Variants in HHATL observed in about 807,000 individuals in gnomAD.
The protein encoded by HHATL is hedgehog acyltransferase like.
A neutral mutation model predicts 59.7 loss-of-function variants in HHATL; 49 were observed. That is an observed-to-expected ratio of 0.82 (90% CI 0.65 to 1.04). HHATL has a LOEUF of 1.04. Ranked by LOEUF, HHATL falls within the 50% of genes least tolerant of loss-of-function variation. HHATL has a pLI of 0.00. For missense variants in HHATL, 605 were observed against 650.8 expected, an observed-to-expected ratio of 0.93 and a Z score of 0.77; for synonymous variants, 238 against 257.3, an observed-to-expected ratio of 0.93 and a Z score of 0.72.
rs769680660 is a variant in HHATL at position 42,699,096 on chromosome 3, A to T, written c.224T>A (p.Val75Asp). The T allele has an allele frequency of 1.9e-5, 31 of 1,613,956 alleles. No individual in the cohort carries two copies. The highest frequency in any genetic ancestry group is 2.5e-5 in the Non-Finnish European group (30 of 1,180,028). ...WVMWFTSFRNVIIFALSGHVL... is the reference protein window; with the variant it reads ...WVMWFTSFRNDIIFALSGHVL... ...ATGTCCGGAGAGGGCAAAGATGATG[A>T]CGTTGCGAAAGGAGGTGAACCACAT... The change falls in exon 4 of 12, where the codon GTC (valine) becomes GAC (aspartate). Residue 75 changes from valine to aspartate, a missense_variant. By Grantham distance (152) the Val-to-Asp change is radical. Coordinates refer to ENST00000441594, the MANE Select transcript of HHATL (RefSeq NM_020707.4).
At chr3:42,698,512 C>T (rs150692809) in intron 5 of HHATL, among the ~76,000 whole-genome samples, 161 bp from the exon 6 acceptor site, 57 of 145,758 alleles carry the variant, frequency 3.9e-4, no homozygotes, top group Non-Finnish European at 6.8e-4. Context: ...CCCAGCAATG[C>T]GAGGAGCAGG....
intron 6 of HHATL, 74 bp from the exon 7 acceptor site, chr3:42,697,753 A>C: frequency 6.8e-7 from 1 of 1,472,972 alleles, no homozygotes; most frequent in Admixed American, 1.9e-5. Flanking sequence ...GGGCTCACCA[A>C]CTACTTGGGG....
intron 8 of HHATL, 36 bp downstream of exon 8, chr3:42,696,965 A>AG (rs1402029534): frequency 6.2e-7 from 1 of 1,613,016 alleles, no homozygotes; most frequent in Non-Finnish European, 8.5e-7. Flanking sequence ...GTGTGGTCCC[A>AG]GGGGGTGAGC....
Position 42,700,746 on chromosome 3 carries a change from G to A in HHATL, c.81C>T (p.Gly27=), listed in dbSNP as rs1366343259. The change falls in exon 2 of 12, where the codon GGC becomes GGT. Residue 27 remains glycine (G), a synonymous_variant. Coordinates refer to ENST00000441594, the MANE Select transcript of HHATL (RefSeq NM_020707.4). ...LVLSGALAYA[G]RGLLEASQDG... is the part of the protein sequence containing the mutation. The stretch of plus-strand genomic sequence containing the variant: ...CTTGTGAAGCCTCAAGGAGGCCCCG[G>A]CCAGCATAGGCCAGGGCCCCACTCA... The A allele has an allele frequency of 6.2e-7, 1 of 1,613,612 alleles. No homozygotes were observed. Among genetic ancestry groups the A allele is most frequent in the South Asian group, 1.1e-5 (1 of 91,076 alleles).
chr3:42,702,549 A>C (rs2125861834), intron 1 of HHATL, 30 bp downstream of exon 1: 1 of 152,540 alleles, frequency 6.6e-6, no homozygotes, highest in Non-Finnish European at 1.5e-5. Flanking sequence ...CAAGAGCCCC[A>C]GAGTAGCTGC....
intron 3 of HHATL, 79 bp downstream of exon 3, chr3:42,699,679 G>A (rs1190048909): frequency 1.6e-6 from 2 of 1,274,136 alleles, no homozygotes; most frequent in Admixed American, 2.1e-5. Context: ...GAAGCTCTCT[G>A]TTACTTGCCA....
intron 9 of HHATL, among the ~76,000 whole-genome samples, chr3:42,696,348 C>T (rs948901785): frequency 6.6e-6 from 1 of 152,128 alleles, no homozygotes; most frequent in Non-Finnish European, 1.5e-5. Flanking sequence ...AGGACTTACC[C>T]ACTCCCAAAG....
Position 42,698,867 on chromosome 3 carries a change from C to A in HHATL, c.324G>T (p.Leu108Phe). Residue 108 changes from leucine to phenylalanine, a missense_variant, in exon 5 of 12, where the codon TTG (leucine) becomes TTT (phenylalanine). Physicochemically the swap from Leu to Phe is conservative, Grantham distance 22. Transcript: ENST00000441594. ...AAGGGCCCATTGTGCCCATCACAGC[C>A]AAGGCCCCGTACACAGCATACATCC... The part of the protein sequence containing the change: ...RSWMYAVYGA[L>F]AVMGTMGPWY... 2 of 1,611,686 alleles carry A rather than the reference C, an allele frequency of 1.2e-6. No homozygotes were observed. The highest frequency in any genetic ancestry group is 1.7e-6 in the Non-Finnish European group (2 of 1,178,818).
rs17074760 is a variant in HHATL, at chr3:42,699,325, C to A, written c.175-180G>T. On this transcript the variant is annotated intron_variant, in intron 3 of 11. Coordinates refer to ENST00000441594, the MANE Select transcript of HHATL (RefSeq NM_020707.4). ...ATTTTTTACCACTAGCCAAACCCAA[C>A]GTGTCCTCTTTATGCAAACACAAGA... Among the ~76,000 whole-genome samples, 1,199 of 152,210 alleles carry A rather than the reference C, an allele frequency of 7.9e-3. 13 individuals are homozygous for A. Among genetic ancestry groups the A allele is most frequent in the African/African-American group, 0.027 (1,129 of 41,512 alleles).
In HHATL at chr3:42,699,626, G is replaced by T; in HGVS notation, c.174+132C>A. The stretch of plus-strand genomic sequence containing the variant: ...GGATACAGGAGGGGCCAGTAAAGAA[G>T]CTGAAGGCACTGAAGCTCAAGCCAG... On this transcript the variant is annotated intron_variant, in intron 3 of 11. Coordinates refer to ENST00000441594, the MANE Select transcript of HHATL (RefSeq NM_020707.4). 2.8e-6 allele frequency: 2 copies of T among 726,670 alleles called. 1 individual carries two copies. Among genetic ancestry groups the T allele is most frequent in the South Asian group, 3.6e-5 (2 of 54,818 alleles). The allele number at this position is 726,670 out of a possible 1,614,324, so 45.0% of individuals were successfully genotyped here.
In HHATL at chr3:42,697,088, C is replaced by T. The variant is rs1336324404; in HGVS notation, c.923G>A (p.Gly308Asp). ...YDWVKAAVLF[G>D]VVNTVACLDH... ...GAGGCATGCCACAGTGTTGACAACA[C>T]CAAAGAGGACGGCCGCCTTCACCCA... is the stretch of plus-strand genomic sequence containing the variant. The change falls in exon 8 of 12, where the codon GGT (glycine) becomes GAT (aspartate). Residue 308 changes from glycine (G) to aspartate (D), a missense_variant. Physicochemically the swap from Gly to Asp is moderately conservative, Grantham distance 94 (BLOSUM62 -1). Transcript: ENST00000441594. 1 of 1,570,170 alleles carries T rather than the reference C, an allele frequency of 6.4e-7. No homozygotes were observed. The highest frequency in any genetic ancestry group is 1.2e-5 in the South Asian group (1 of 83,544).
chr3:42,696,904 T>C, intron 8 of HHATL, 27 bp from the exon 9 acceptor site: 1 of 1,614,144 alleles, frequency 6.2e-7, no homozygotes, highest in Admixed American at 1.7e-5. Flanking sequence ...GATGGGCATG[T>C]TGCCATCAGG....
intron 8 of HHATL, 24 bp from the exon 9 acceptor site, chr3:42,696,901 A>T (rs1487642008): frequency 1.2e-6 from 2 of 1,614,052 alleles, no homozygotes; most frequent in Non-Finnish European, 1.7e-6. Flanking sequence ...GCAGATGGGC[A>T]TGTTGCCATC....
At chr3:42,696,738 C>T in intron 9 of HHATL, 104 bp downstream of exon 9, 1 of 1,295,902 alleles carries the variant, frequency 7.7e-7, no homozygotes, top group Middle Eastern at 2.0e-4. Context: ...CTTTGCTTCC[C>T]CTGGCCCAGG....
Position 42,699,822 on chromosome 3 carries a change from C to T in HHATL, c.110G>A (p.Gly37Glu). ...CTCCCGGAAGGCCTTCCTGTGGGCC[C>T]CATCTGAGAACAGAGTGTGGCCTCA... ...GRGLLEASQD[G>E]AHRKAFRESV... Residue 37 changes from glycine to glutamate, a missense_variant, in exon 3 of 12, where the codon GGG becomes GAG. Gly to Glu is a moderately conservative substitution (Grantham distance 98). Coordinates refer to ENST00000441594, the MANE Select transcript of HHATL (RefSeq NM_020707.4). 3 of 1,561,304 alleles carry T rather than the reference C, an allele frequency of 1.9e-6. No individual in the cohort carries two copies. The highest frequency in any genetic ancestry group is 1.2e-5 in the South Asian group (1 of 84,644).
At chr3:42,697,997 G>A (rs760913969) in intron 6 of HHATL, 145 bp downstream of exon 6, 178 of 880,180 alleles carry the variant, frequency 2.0e-4, no homozygotes, top group Middle Eastern at 3.3e-4. Context: ...GGGGTCTGAG[G>A]AGGGAGGGGA....
chr3:42,694,078 T>C, intron 9 of HHATL: 2 of 530,686 alleles, frequency 3.8e-6, no homozygotes, highest in Admixed American at 6.4e-5. Context: ...ACTAGCTCTA[T>C]GACGATGACC....
intron 7 of HHATL, among the ~76,000 whole-genome samples, 163 bp downstream of exon 7, chr3:42,697,345 A>G (rs1697673346): frequency 6.6e-6 from 1 of 152,140 alleles, no homozygotes; most frequent in Non-Finnish European, 1.5e-5. Context: ...GGATGAAGCT[A>G]ATGCCAAGAC....
Position 42,698,738 on chromosome 3 carries a change from G to GGAGGCCAGGCTGGCCAAGCC in HHATL, c.433_452dup (p.Phe152AlafsTer13). The GGAGGCCAGGCTGGCCAAGCC allele has an allele frequency of 1.3e-6, 2 of 1,589,960 alleles. No individual in the cohort carries two copies. The highest frequency in any genetic ancestry group is 1.7e-6 in the Non-Finnish European group (2 of 1,171,426). On this transcript the variant is annotated frameshift_variant, in exon 5 of 12. Transcript: ENST00000441594. LOFTEE classifies it high-confidence loss of function. ...AAGAGATTAGGGGGTCCATCTTGAAGGAGGCCAGGCTGGCCAAGCCAAGGC... is the reference window on the plus strand; with the variant it reads ...AAGAGATTAGGGGGTCCATCTTGAAGGAGGCCAGGCTGGCCAAGCCGAGGCCAGGCTGGCCAAGCCAAGGC...
Sources: gnomAD v4.1 joint callset for allele counts (sites outside exome capture counted in the v4.1 genomes callset) on GRCh38, gnomAD v4.1.1 for gene constraint, MANE v1.5 for transcripts, NCBI Gene and HGNC (gene_info 2026-07-23, HGNC 2026-07-21) for gene names.